Variants in DACH2 observed in about 807,000 individuals in gnomAD.
The protein encoded by DACH2 is dachshund family transcription factor 2.
DACH2 carries 17 observed loss-of-function variants against 35.8 expected under a neutral mutation model. The ratio of observed to expected loss-of-function variants is 0.48; its 90% CI spans 0.33 to 0.71. DACH2 has a LOEUF of 0.71. Among genes scored for constraint, DACH2 ranks in the 30% least tolerant of loss-of-function variants. DACH2 has a pLI of 0.02. For missense variants in DACH2, 469 were observed against 472.7 expected, an observed-to-expected ratio of 0.99 and a Z score of 0.07; for synonymous variants, 195 against 177.3, an observed-to-expected ratio of 1.10 and a Z score of -0.79.
intron 5 of DACH2, among the ~76,000 whole-genome samples, chrX:86,710,724 G>T (rs923086677): frequency 1.8e-5 from 2 of 111,361 alleles, no homozygotes; most frequent in African/African-American, 6.5e-5. Flanking sequence ...ATACAGAGAG[G>T]AATATAATGA....
At chrX:86,322,776 G>T (rs940997129) in intron 1 of DACH2, among the ~76,000 whole-genome samples, 1 of 112,199 alleles carries the variant, frequency 8.9e-6, no homozygotes, top group Non-Finnish European at 1.9e-5. Flanking sequence ...TTATTCTTAG[G>T]TGGTGGTTCC....
At chrX:86,625,412 T>C (rs2040124324) in intron 3 of DACH2, among the ~76,000 whole-genome samples, 1 of 111,273 alleles carries the variant, frequency 9.0e-6, no homozygotes, top group Non-Finnish European at 1.9e-5. Flanking sequence ...TTTGCACCTA[T>C]TTTTCTACTG....
rs143987768 is a variant in DACH2 at position 86,427,995 on chromosome X, G to A, written c.527+51133G>A. On this transcript the variant is annotated intron_variant, in intron 2 of 11. Transcript: ENST00000373125. ...TTTTTTGGTTGAGTAATGAAAAAGCGTGGATTGTTATTCAAATTTCAGCTC... is the reference window on the plus strand; with the variant it reads ...TTTTTTGGTTGAGTAATGAAAAAGCATGGATTGTTATTCAAATTTCAGCTC... 3.6e-5 allele frequency among the ~76,000 whole-genome samples: 4 copies of A among 111,613 alleles called. No individual in the cohort carries two copies. In the East Asian group the frequency reaches 1.1e-3, roughly 31 times the overall value.
In DACH2 at chrX:86,428,486, C is replaced by T. The variant is rs190842373; in HGVS notation, c.527+51624C>T. ...CTCTTTGATTGTCATCTGCTTCAGA[C>T]GGATGACTAATTACTATTATGATGT... On this transcript the variant is annotated intron_variant, in intron 2 of 11. Coordinates refer to ENST00000373125, the MANE Select transcript of DACH2 (RefSeq NM_053281.3). Among the ~76,000 whole-genome samples, 225 of 111,789 alleles carry T rather than the reference C, an allele frequency of 2.0e-3. 1 individual carries two copies. The highest frequency in any genetic ancestry group is 7.0e-3 in the African/African-American group (216 of 30,903).
At chrX:86,310,288 C>T (rs951881193) in intron 1 of DACH2, among the ~76,000 whole-genome samples, 10 of 111,701 alleles carry the variant, frequency 9.0e-5, no homozygotes, top group East Asian at 2.8e-4. Flanking sequence ...TGATTGGGCA[C>T]GCTTGAGCAG....
At chrX:86,488,954 A>C (rs1013716079) in intron 2 of DACH2, among the ~76,000 whole-genome samples, 1 of 111,298 alleles carries the variant, frequency 9.0e-6, no homozygotes, top group Admixed American at 9.6e-5. Context: ...GACTAGTGAA[A>C]TATGTTCCTC....
At chrX:86,578,830 T>C (rs183692646) in intron 3 of DACH2, among the ~76,000 whole-genome samples, 33 of 111,971 alleles carry the variant, frequency 2.9e-4, no homozygotes, top group Non-Finnish European at 6.0e-4. Context: ...AATTGCTACA[T>C]TCTCTTTCAA....
intron 1 of DACH2, among the ~76,000 whole-genome samples, chrX:86,325,926 C>T (rs1242770622): frequency 8.9e-5 from 9 of 101,519 alleles, no homozygotes; most frequent in African/African-American, 3.7e-4. Flanking sequence ...TTTTCTGAGC[C>T]TCAGGATTTT....
intron 7 of DACH2, among the ~76,000 whole-genome samples, chrX:86,781,563 G>A (rs2042089709): frequency 9.0e-6 from 1 of 111,207 alleles, no homozygotes. Flanking sequence ...ATATTAAGCA[G>A]CCAACTGTAG....
chrX:86,783,680 C>A (rs1292983528), intron 7 of DACH2, among the ~76,000 whole-genome samples: 1 of 111,721 alleles, frequency 9.0e-6, no homozygotes, highest in East Asian at 2.8e-4. Flanking sequence ...AAAAAACTTT[C>A]CAACAACATG....
intron 7 of DACH2, among the ~76,000 whole-genome samples, chrX:86,746,872 A>G (rs1045677105): frequency 9.0e-6 from 1 of 111,200 alleles, no homozygotes; most frequent in African/African-American, 3.3e-5. Context: ...CCTTTGAGTT[A>G]ATTTTTGTTG....
chrX:86,635,343 A>C (rs1215578374), intron 3 of DACH2, among the ~76,000 whole-genome samples: 1 of 109,367 alleles, frequency 9.1e-6, no homozygotes, highest in African/African-American at 3.3e-5. Flanking sequence ...AAAAAAAAAA[A>C]AAAACCTCTC....
chrX:86,630,327 T>C (rs926354676), intron 3 of DACH2, among the ~76,000 whole-genome samples: 1 of 110,117 alleles, frequency 9.1e-6, no homozygotes, highest in African/African-American at 3.3e-5. Context: ...GAAATGGAAA[T>C]AGTAATGTTA....
At chrX:86,232,830 C>G (rs186305338) in intron 1 of DACH2, among the ~76,000 whole-genome samples, 153 of 112,061 alleles carry the variant, frequency 1.4e-3, no homozygotes, top group Admixed American at 3.0e-3. Context: ...ACCCAGCAAT[C>G]TCATTACTGG....
intron 7 of DACH2, among the ~76,000 whole-genome samples, chrX:86,743,291 T>C (rs754992977): frequency 2.0e-4 from 22 of 111,661 alleles, no homozygotes; most frequent in Non-Finnish European, 4.0e-4. Flanking sequence ...TCCAGTTTTG[T>C]CTTAGGAGAG....
intron 1 of DACH2, among the ~76,000 whole-genome samples, chrX:86,281,026 A>G (rs973041920): frequency 8.9e-6 from 1 of 111,881 alleles, no homozygotes; most frequent in Non-Finnish European, 1.9e-5. Flanking sequence ...CCCACTGTCA[A>G]TATTAGACAG....
intron 2 of DACH2, among the ~76,000 whole-genome samples, chrX:86,386,842 T>G (rs764990482): frequency 1.8e-5 from 2 of 111,122 alleles, no homozygotes; most frequent in South Asian, 7.6e-4. Flanking sequence ...GTTAGGAGAA[T>G]TTTTGATCTG....
intron 3 of DACH2, among the ~76,000 whole-genome samples, chrX:86,589,942 G>A (rs1330911753): frequency 8.9e-6 from 1 of 111,773 alleles, no homozygotes; most frequent in Non-Finnish European, 1.9e-5. Context: ...CTTTTTTAAA[G>A]GTGGGAAATT....
At position 86,332,067 on chromosome X, in the gene DACH2, T is replaced by C. The variant is rs371344827; in HGVS notation, c.489-44757T>C. ...AAAGCTCAGATTTGCCTGAACAGTA[T>C]AGTGACTGAGGTTTCATTACGTATT... On this transcript the variant is annotated intron_variant, in intron 1 of 11. Coordinates refer to ENST00000373125, the MANE Select transcript of DACH2 (RefSeq NM_053281.3). Among the ~76,000 whole-genome samples the C allele has an allele frequency of 4.5e-5, 5 of 111,537 alleles. No homozygotes were observed. In the East Asian group the frequency reaches 8.4e-4, roughly 19 times the overall value.
Sources: gnomAD v4.1 joint callset for allele counts (sites outside exome capture counted in the v4.1 genomes callset) on GRCh38, gnomAD v4.1.1 for gene constraint, MANE v1.5 for transcripts, NCBI Gene and HGNC (gene_info 2026-07-23, HGNC 2026-07-21) for gene names.